Variants in BAIAP2 observed in about 807,000 individuals in gnomAD.
BAIAP2 encodes the protein BAR/IMD domain containing adaptor protein 2, also known as BAR/IMD domain-containing adapter protein 2.
In BAIAP2, 18 loss-of-function variants were observed where a neutral mutation model predicts 63.0. The observed-to-expected ratio is 0.29, with a 90% CI of 0.20 to 0.42. The LOEUF is 0.42. Ranked by LOEUF, BAIAP2 falls within the 10% of genes least tolerant of loss-of-function variation. The pLI is 1.00. For synonymous variants in BAIAP2, 386 were observed against 307.6 expected, an observed-to-expected ratio of 1.25 and a Z score of -2.67; for missense variants, 610 against 734.3, an observed-to-expected ratio of 0.83 and a Z score of 1.96.
At chr17:81,115,210 CTGGCCCAGGGGA>C (rs1269863960) in intron 13 of BAIAP2, among the ~76,000 whole-genome samples, 2 of 152,258 alleles carry the variant, frequency 1.3e-5, no homozygotes, top group African/African-American at 4.8e-5. Context: ...GAACCACTGT[CTGGCCCAGGGGA>C]TGGCCAGCTG....
chr17:81,110,453 A>G, intron 13 of BAIAP2: 1 of 996,758 alleles, frequency 1.0e-6, no homozygotes, highest in Non-Finnish European at 1.2e-6. Flanking sequence ...TTTTTTTTAA[A>G]AAATCTGAAT....
Position 81,116,294 on chromosome 17 carries a change from G to C in BAIAP2, c.*455G>C, listed in dbSNP as rs555748569. The C allele has an allele frequency of 1.9e-6, 3 of 1,612,732 alleles. No homozygotes were observed. Among genetic ancestry groups the C allele is most frequent in the Non-Finnish European group, 2.5e-6 (3 of 1,179,802 alleles). ...CGGGGATGGGAGCGCCCGCACCCTGGCTGGAAGATGAACTTCCCGTAAGCA... is the reference window on the plus strand; with the variant it reads ...CGGGGATGGGAGCGCCCGCACCCTGCCTGGAAGATGAACTTCCCGTAAGCA... On this transcript the variant is annotated 3_prime_UTR_variant, in exon 14 of 14. Coordinates refer to ENST00000428708, the MANE Select transcript of BAIAP2 (RefSeq NM_001144888.2).
chr17:81,044,954 T>C (rs7503518), intron 1 of BAIAP2, among the ~76,000 whole-genome samples: 140,735 of 152,264 alleles, frequency 0.92, 65,089 homozygotes, highest in African/African-American at 0.96. Context: ...CCAGGGTGGC[T>C]GGACATTGGA....
chr17:81,085,482 A>G (rs1326928608), intron 4 of BAIAP2, 172 bp from the exon 5 acceptor site: 10 of 703,070 alleles, frequency 1.4e-5, no homozygotes, highest in Non-Finnish European at 2.3e-5. Flanking sequence ...CTGGCTCCAG[A>G]GGGTGCACAC....
chr17:81,052,089 C>G (rs2048761511), intron 1 of BAIAP2, among the ~76,000 whole-genome samples: 1 of 152,348 alleles, frequency 6.6e-6, no homozygotes, highest in East Asian at 1.9e-4. Flanking sequence ...GCACATCCAC[C>G]TCTTCCTCTT....
chr17:81,042,923 A>C (rs138919672), intron 1 of BAIAP2, among the ~76,000 whole-genome samples: 1 of 151,894 alleles, frequency 6.6e-6, no homozygotes, highest in East Asian at 1.9e-4. Flanking sequence ...TTGTTCTGTC[A>C]CCCAGGCTGG....
chr17:81,061,751 C>A (rs2050592631), intron 3 of BAIAP2, among the ~76,000 whole-genome samples: 4 of 152,044 alleles, frequency 2.6e-5, no homozygotes, highest in Admixed American at 6.5e-5. Context: ...TGTGGAGCAT[C>A]TTTTTGTGTT....
At chr17:81,093,330 G>A (rs1248705765) in intron 6 of BAIAP2, among the ~76,000 whole-genome samples, 1 of 152,212 alleles carries the variant, frequency 6.6e-6, no homozygotes, top group African/African-American at 2.4e-5. Context: ...AACTCCTGCT[G>A]CAGAGGAGGG....
rs945654781 is a variant in BAIAP2, at chr17:81,108,799, C to A, written c.1535+290C>A. 3 of 1,146,240 alleles carry A rather than the reference C, an allele frequency of 2.6e-6. No homozygotes were observed. The African/African-American group carries it at 4.7e-5, about 18-fold the overall frequency. 71.0% of individuals were successfully genotyped at this position (1,146,240 alleles called of 1,614,324 possible). On this transcript the variant is annotated intron_variant, in intron 13 of 13. Coordinates refer to ENST00000428708, the MANE Select transcript of BAIAP2 (RefSeq NM_001144888.2). ...AGGCTGGCATCCATGGCTGGGGCTG[C>A]AGCCTCCTCTGCCCCAATCTGTGCT...
chr17:81,061,912 T>G (rs1346312463), intron 3 of BAIAP2, among the ~76,000 whole-genome samples: 1 of 152,218 alleles, frequency 6.6e-6, no homozygotes, highest in Non-Finnish European at 1.5e-5. Context: ...ATATTTGCTT[T>G]CAGTCTGGTG....
intron 1 of BAIAP2, chr17:81,036,793 T>G: frequency 7.5e-7 from 1 of 1,325,186 alleles, no homozygotes; most frequent in Non-Finnish European, 1.0e-6. Flanking sequence ...TGGAAGCACA[T>G]GTTGTCAAGG....
chr17:81,107,369 T>C (rs899390713), intron 12 of BAIAP2: 1 of 158,406 alleles, frequency 6.3e-6, no homozygotes, highest in Non-Finnish European at 1.4e-5. Context: ...GCTGGACCCC[T>C]TCCAGTCAGT....
At chr17:81,060,340 C>T (rs759040541) in intron 3 of BAIAP2, among the ~76,000 whole-genome samples, 1 of 152,206 alleles carries the variant, frequency 6.6e-6, no homozygotes, top group Admixed American at 6.5e-5. Context: ...ACCCCTTAAG[C>T]AGTCCCTCCC....
At chr17:81,076,254 C>T (rs1568122962) in intron 3 of BAIAP2, 1 of 152,234 alleles carries the variant, frequency 6.6e-6, no homozygotes, top group South Asian at 2.1e-4. Flanking sequence ...TTTATCTTCC[C>T]TGTGGACCAG....
chr17:81,051,460 C>T (rs531646461), intron 1 of BAIAP2, among the ~76,000 whole-genome samples: 1 of 152,252 alleles, frequency 6.6e-6, no homozygotes, highest in Non-Finnish European at 1.5e-5. Flanking sequence ...AGTGCAGTGG[C>T]GCAATCTCAG....
chr17:81,045,560 C>T (rs2047690575), intron 1 of BAIAP2, among the ~76,000 whole-genome samples: 1 of 151,124 alleles, frequency 6.6e-6, no homozygotes, highest in South Asian at 2.1e-4. Flanking sequence ...GGCACCGTGC[C>T]AAAGACACAA....
Position 81,115,065 on chromosome 17 carries a change from C to T in BAIAP2, c.1536-705C>T, listed in dbSNP as rs537447212. Among the ~76,000 whole-genome samples, 13 of 152,378 alleles carry T rather than the reference C, an allele frequency of 8.5e-5. No homozygotes were observed. The South Asian group carries it at 2.7e-3, about 32-fold the overall frequency. The stretch of plus-strand genomic sequence containing the variant: ...ACTCCAAAGAGAAAGGCTCAGGCAT[C>T]CCTCTCATCCGTGCTCATCTTGTTC... On this transcript the variant is annotated intron_variant, in intron 13 of 13. Coordinates refer to ENST00000428708, the MANE Select transcript of BAIAP2 (RefSeq NM_001144888.2).
chr17:81,038,417 T>C (rs1364869948), intron 1 of BAIAP2, among the ~76,000 whole-genome samples: 1 of 152,208 alleles, frequency 6.6e-6, no homozygotes, highest in Non-Finnish European at 1.5e-5. Flanking sequence ...TCTCTGGGCA[T>C]AGTGCCATTG....
In BAIAP2 at chr17:81,042,142, CTTTTTTTTT is replaced by C. The variant is rs36029761; in HGVS notation, c.54+6842_54+6850del. Among the ~76,000 whole-genome samples the C allele has an allele frequency of 5.0e-4, 55 of 109,760 alleles. No individual in the cohort carries two copies. In the East Asian group the frequency reaches 8.7e-3, roughly 17 times the overall value. 72.0% of individuals were successfully genotyped at this position (109,760 alleles called of 152,430 possible). A position where few individuals can be genotyped will look rare whatever the true frequency, so the allele number is the denominator to read the frequency against. On this transcript the variant is annotated intron_variant, in intron 1 of 13. Transcript: ENST00000428708. Reference sequence around the variant, plus strand: ...CACTTTTTTTTTTCTTTTCTTTTTTCTTTTTTTTTTTTTTTTGGAGACAGAGTCTTGCTT... The same window carrying C: ...CACTTTTTTTTTTCTTTTCTTTTTTCTTTTTTTGGAGACAGAGTCTTGCTT...
Sources: gnomAD v4.1 joint callset for allele counts (sites outside exome capture counted in the v4.1 genomes callset) on GRCh38, gnomAD v4.1.1 for gene constraint, MANE v1.5 for transcripts, NCBI Gene and HGNC (gene_info 2026-07-23, HGNC 2026-07-21) for gene names.